GABRB1: variants seen among roughly 807,000 people sequenced by gnomAD.
GABRB1 encodes gamma-aminobutyric acid receptor subunit beta-1.
In GABRB1, 17 loss-of-function variants were observed where a neutral mutation model predicts 51.6. That is an observed-to-expected ratio of 0.33 (90% confidence interval 0.23 to 0.49). GABRB1 has a LOEUF of 0.49. Ranked by LOEUF, GABRB1 falls within the 20% of genes least tolerant of loss-of-function variation. The pLI is 0.99. For missense variants in GABRB1, 410 were observed against 600.6 expected (o/e 0.68, Z 3.32); for synonymous variants, 247 against 218.9 (o/e 1.13, Z -1.14).
intron 5 of GABRB1, among the ~76,000 whole-genome samples, chr4:47,382,999 A>G (rs1359192415): frequency 1.3e-5 from 2 of 152,226 alleles, no homozygotes; most frequent in Non-Finnish European, 1.5e-5. Flanking sequence ...CTACTACAAT[A>G]ACCTCTGTGA....
At position 47,031,749 on chromosome 4, in the gene GABRB1, A is replaced by T. The variant is rs1725308663; in HGVS notation, c.80+18A>T. 6.5e-7 allele frequency: 1 copy of T among 1,550,306 alleles called. No homozygotes were observed. Among genetic ancestry groups the T allele is most frequent in the East Asian group, 2.3e-5 (1 of 43,388 alleles). On this transcript the variant is annotated intron_variant, in intron 1 of 8. Coordinates refer to ENST00000295454, the MANE Select transcript of GABRB1 (RefSeq NM_000812.4). Reference sequence around the variant, plus strand: ...GCACACAGGTGAGCTGCTGTTGTTGAATCTCGCTCTCTCTCTCTCTCTCTC... The same window carrying T: ...GCACACAGGTGAGCTGCTGTTGTTGTATCTCGCTCTCTCTCTCTCTCTCTC...
At position 47,425,697 on chromosome 4, in the gene GABRB1, C is replaced by T. The variant is rs1161738617; in HGVS notation, c.1104C>T (p.Leu368=). ...KVQVDAHGNI[L]LSTLEIRNET... is the part of the protein sequence containing the mutation. ...AGGTCGACGCCCACGGTAACATTCTCCTCAGCACCCTGGAAATCCGGAATG... is the reference window on the plus strand; with the variant it reads ...AGGTCGACGCCCACGGTAACATTCTTCTCAGCACCCTGGAAATCCGGAATG... The change falls in exon 9 of 9, where the codon CTC becomes CTT. Residue 368 remains leucine, a synonymous_variant. Coordinates refer to ENST00000295454, the MANE Select transcript of GABRB1 (RefSeq NM_000812.4). 2 of 1,612,212 alleles carry T rather than the reference C, an allele frequency of 1.2e-6. No homozygotes were observed. Among genetic ancestry groups the T allele is most frequent in the Non-Finnish European group, 1.7e-6 (2 of 1,178,976 alleles).
intron 5 of GABRB1, among the ~76,000 whole-genome samples, chr4:47,353,251 C>A (rs960436555): frequency 6.6e-6 from 1 of 152,128 alleles, no homozygotes; most frequent in Non-Finnish European, 1.5e-5. Flanking sequence ...GGAGACACAG[C>A]CAAACCATAT....
chr4:47,120,522 T>G (rs1475119287), intron 3 of GABRB1, among the ~76,000 whole-genome samples: 2 of 152,184 alleles, frequency 1.3e-5, no homozygotes, highest in Admixed American at 6.5e-5. Flanking sequence ...CTCTTTCCTC[T>G]GCTTTTCTCA....
At chr4:47,266,738 G>T (rs1036503751) in intron 4 of GABRB1, among the ~76,000 whole-genome samples, 5 of 152,062 alleles carry the variant, frequency 3.3e-5, no homozygotes, top group Non-Finnish European at 7.4e-5. Context: ...CAGAGAAGAA[G>T]AATATATATA....
Position 47,242,506 on chromosome 4 carries a change from G to T in GABRB1, c.462-77621G>T, listed in dbSNP as rs182193155. 8.2e-3 allele frequency among the ~76,000 whole-genome samples: 1,249 copies of T among 152,330 alleles called. 13 individuals are homozygous for T. Among genetic ancestry groups the T allele is most frequent in the African/African-American group, 0.029 (1,185 of 41,564 alleles). On this transcript the variant is annotated intron_variant, in intron 4 of 8. Coordinates refer to ENST00000295454, the MANE Select transcript of GABRB1 (RefSeq NM_000812.4). The stretch of plus-strand genomic sequence containing the variant: ...GAACTAGCTTACAGTCCCAGCAACA[G>T]TGTAAAAGTGTTCCTATTTCTCCGC...
chr4:47,195,328 C>T (rs541085404), intron 4 of GABRB1, among the ~76,000 whole-genome samples: 1 of 151,906 alleles, frequency 6.6e-6, no homozygotes, highest in East Asian at 1.9e-4. Context: ...GATCATGCCA[C>T]TGCACTCCAG....
At chr4:47,331,720 G>C (rs1180903753) in intron 5 of GABRB1, among the ~76,000 whole-genome samples, 2 of 152,094 alleles carry the variant, frequency 1.3e-5, no homozygotes, top group African/African-American at 4.8e-5. Context: ...GGAACTTTTT[G>C]ATTCACTTGA....
chr4:47,115,130 C>T (rs562062699), intron 3 of GABRB1, among the ~76,000 whole-genome samples: 2 of 152,290 alleles, frequency 1.3e-5, no homozygotes, highest in African/African-American at 4.8e-5. Context: ...CTTAATATCT[C>T]AAGCCTTCAT....
At chr4:47,422,027 C>T (rs575704213) in intron 8 of GABRB1, among the ~76,000 whole-genome samples, 1 of 152,222 alleles carries the variant, frequency 6.6e-6, no homozygotes, top group African/African-American at 2.4e-5. Context: ...ATTTCATGCA[C>T]ATGACTTTTT....
chr4:47,244,869 C>G (rs898831380), intron 4 of GABRB1, among the ~76,000 whole-genome samples: 3 of 152,130 alleles, frequency 2.0e-5, no homozygotes, highest in African/African-American at 7.2e-5. Flanking sequence ...ATATATAGCA[C>G]TAAATGCCCA....
At chr4:47,349,663 T>C (rs1726235554) in intron 5 of GABRB1, among the ~76,000 whole-genome samples, 4 of 152,180 alleles carry the variant, frequency 2.6e-5, no homozygotes, top group Non-Finnish European at 5.9e-5. Context: ...TCATCTCAGT[T>C]ATCAGATAAA....
At chr4:47,163,041 A>G (rs1197697336) in intron 4 of GABRB1, among the ~76,000 whole-genome samples, 2 of 152,058 alleles carry the variant, frequency 1.3e-5, no homozygotes, top group Admixed American at 1.3e-4. Flanking sequence ...ATATCCTGGA[A>G]AGGCCATAAG....
At chr4:47,386,933 T>C (rs541333377) in intron 5 of GABRB1, among the ~76,000 whole-genome samples, 4 of 152,262 alleles carry the variant, frequency 2.6e-5, no homozygotes, top group African/African-American at 4.8e-5. Context: ...CATAGAGATA[T>C]AGACGAAAGG....
chr4:47,386,391 G>A (rs1727795490), intron 5 of GABRB1, among the ~76,000 whole-genome samples: 1 of 152,066 alleles, frequency 6.6e-6, no homozygotes, highest in Admixed American at 6.5e-5. Context: ...TGACTATGAA[G>A]ACAAATAAAA....
At chr4:47,298,061 C>A (rs1368892268) in intron 4 of GABRB1, among the ~76,000 whole-genome samples, 1 of 152,110 alleles carries the variant, frequency 6.6e-6, no homozygotes, top group Non-Finnish European at 1.5e-5. Flanking sequence ...TAAAAACTCT[C>A]AAGAAATTAG....
intron 4 of GABRB1, among the ~76,000 whole-genome samples, chr4:47,185,331 T>C (rs73815405): frequency 0.017 from 2,510 of 151,942 alleles, 75 homozygotes; most frequent in African/African-American, 0.057. Flanking sequence ...GTGACCTTCC[T>C]TCTCTTAGTC....
chr4:47,322,333 A>G (rs1725115060), intron 5 of GABRB1, among the ~76,000 whole-genome samples: 1 of 152,214 alleles, frequency 6.6e-6, no homozygotes, highest in Admixed American at 6.5e-5. Flanking sequence ...AATTATCATC[A>G]AAGTGATCCA....
intron 5 of GABRB1, among the ~76,000 whole-genome samples, chr4:47,332,058 A>C (rs1218075840): frequency 1.3e-5 from 2 of 152,238 alleles, no homozygotes; most frequent in Non-Finnish European, 2.9e-5. Flanking sequence ...CTGAGAAGAA[A>C]GCACATTTTA....
Sources: gnomAD v4.1 joint callset for allele counts (sites outside exome capture counted in the v4.1 genomes callset) on GRCh38, gnomAD v4.1.1 for gene constraint, MANE v1.5 for transcripts, NCBI Gene and HGNC (gene_info 2026-07-23, HGNC 2026-07-21) for gene names.